Variants in USP32 observed in about 807,000 individuals in gnomAD.
USP32 encodes ubiquitin carboxyl-terminal hydrolase 32.
A neutral mutation model predicts 204.8 loss-of-function variants in USP32; 59 were observed. The observed-to-expected ratio is 0.29, with a 90% CI of 0.23 to 0.36. The LOEUF (loss-of-function observed/expected upper bound fraction) is 0.36, where lower values mean the gene tolerates loss of function less well. USP32 is among the 10% of genes least tolerant of loss of function. USP32 has a pLI of 1.00. For missense variants in USP32, 1,160 were observed against 1,946.4 expected (o/e 0.60, Z 7.60); for synonymous variants, 517 against 678.4 (o/e 0.76, Z 3.70).
At chr17:60,347,988 G>A (rs1219700305) in intron 1 of USP32, among the ~76,000 whole-genome samples, 1 of 151,946 alleles carries the variant, frequency 6.6e-6, no homozygotes. Context: ...CAGGCCTGGT[G>A]GCGGGCACCT....
intron 24 of USP32, among the ~76,000 whole-genome samples, chr17:60,207,341 C>T (rs1314739366): frequency 6.6e-6 from 1 of 152,068 alleles, no homozygotes; most frequent in Non-Finnish European, 1.5e-5. Flanking sequence ...TATCTCTTTT[C>T]ACAGGAAGAA....
intron 1 of USP32, among the ~76,000 whole-genome samples, chr17:60,361,303 A>G (rs2089201963): frequency 6.6e-6 from 1 of 152,182 alleles, no homozygotes; most frequent in African/African-American, 2.4e-5. Flanking sequence ...CCATGCTTTT[A>G]TAAGATGTAC....
At chr17:60,384,582 G>A (rs1448459406) in intron 1 of USP32, among the ~76,000 whole-genome samples, 5 of 151,886 alleles carry the variant, frequency 3.3e-5, no homozygotes, top group Admixed American at 6.6e-5. Context: ...ACCTGAGGTC[G>A]GGAGTTGGAG....
intron 13 of USP32, among the ~76,000 whole-genome samples, chr17:60,225,771 G>A (rs1286762170): frequency 6.6e-6 from 1 of 152,002 alleles, no homozygotes; most frequent in Non-Finnish European, 1.5e-5. Context: ...GGCCAACATA[G>A]TGAAACCCCA....
intron 3 of USP32, among the ~76,000 whole-genome samples, chr17:60,297,978 C>CA (rs1567837025): frequency 6.6e-6 from 1 of 152,146 alleles, no homozygotes; most frequent in Non-Finnish European, 1.5e-5. Context: ...GACCACTGAC[C>CA]ATGGACTGGT....
chr17:60,227,081 A>C (rs1393994501), intron 12 of USP32, among the ~76,000 whole-genome samples: 1 of 150,738 alleles, frequency 6.6e-6, no homozygotes, highest in Non-Finnish European at 1.5e-5. Flanking sequence ...TTCTTTCACC[A>C]AACATTGTAT....
In USP32 at chr17:60,333,982, T is replaced by C. The variant is rs763058269; in HGVS notation, c.186+11499A>G. Among the ~76,000 whole-genome samples, 37 of 152,202 alleles carry C rather than the reference T, an allele frequency of 2.4e-4. 1 individual carries two copies. Among genetic ancestry groups the C allele is most frequent in the Admixed American group, 1.9e-3 (29 of 15,274 alleles). On this transcript the variant is annotated intron_variant, in intron 2 of 33. Transcript: ENST00000300896. ...GTGGCACTTGATATGGGTCACATGGTGTTATTCAAGGTTTAGGGTACTGCA... is the reference window on the plus strand; with the variant it reads ...GTGGCACTTGATATGGGTCACATGGCGTTATTCAAGGTTTAGGGTACTGCA...
intron 2 of USP32, among the ~76,000 whole-genome samples, chr17:60,320,578 C>T (rs914641291): frequency 6.6e-6 from 1 of 152,148 alleles, no homozygotes; most frequent in African/African-American, 2.4e-5. Context: ...AAAACCCACA[C>T]AGACATGTGG....
In USP32 at chr17:60,223,592, A is replaced by C. The variant is rs200252048; in HGVS notation, c.1433-6T>G. The C allele has an allele frequency of 1.1e-5, 17 of 1,573,412 alleles. No homozygotes were observed. The highest frequency in any genetic ancestry group is 6.7e-5 in the East Asian group (3 of 44,688). ...TGTGGCAGAATACAGAAAGCCTATA[A>C]AAAAAAAAGAGGATAGAATCTCTTA... On this transcript the variant is annotated splice_polypyrimidine_tract_variant and splice_region_variant and intron_variant, in intron 13 of 33. Coordinates refer to ENST00000300896, the MANE Select transcript of USP32 (RefSeq NM_032582.4).
intron 2 of USP32, among the ~76,000 whole-genome samples, chr17:60,320,883 G>A (rs961708555): frequency 6.6e-6 from 1 of 152,172 alleles, no homozygotes; most frequent in Non-Finnish European, 1.5e-5. Flanking sequence ...GATCTTTGAA[G>A]CCATTATTTA....
At position 60,378,625 on chromosome 17, in the gene USP32, C is replaced by A. The variant is rs150225214; in HGVS notation, c.58+13257G>T. On this transcript the variant is annotated intron_variant, in intron 1 of 33. Transcript: ENST00000300896. ...TTCAGTCAAAAAAAGAAATTAAATT[C>A]TGCTATGTACTACAACATGGATAAA... Among the ~76,000 whole-genome samples, 237 of 152,218 alleles carry A rather than the reference C, an allele frequency of 1.6e-3. 2 individuals are homozygous for A. The highest frequency in any genetic ancestry group is 6.8e-3 in the Middle Eastern group (2 of 294).
intron 11 of USP32, among the ~76,000 whole-genome samples, chr17:60,247,469 C>A (rs915465022): frequency 1.3e-5 from 2 of 152,140 alleles, no homozygotes; most frequent in African/African-American, 4.8e-5. Flanking sequence ...CATGAGCCAC[C>A]TCGCCCAGCC....
intron 2 of USP32, among the ~76,000 whole-genome samples, chr17:60,325,694 A>G (rs572158862): frequency 6.6e-6 from 1 of 152,280 alleles, no homozygotes; most frequent in South Asian, 2.1e-4. Flanking sequence ...TTGGAAGTTG[A>G]GGCTGGCAGA....
chr17:60,252,197 C>T (rs902222248), intron 11 of USP32, among the ~76,000 whole-genome samples, 184 bp downstream of exon 11: 1 of 151,898 alleles, frequency 6.6e-6, no homozygotes, highest in African/African-American at 2.4e-5. Flanking sequence ...TAGAATTTGC[C>T]TTCTTAATTA....
chr17:60,300,299 T>A (rs1054340503), intron 3 of USP32, among the ~76,000 whole-genome samples: 1 of 152,168 alleles, frequency 6.6e-6, no homozygotes, highest in African/African-American at 2.4e-5. Flanking sequence ...AAGAAAAGAA[T>A]GAGGGGACAG....
chr17:60,346,726 C>T (rs1391934349), intron 1 of USP32, among the ~76,000 whole-genome samples: 4 of 152,080 alleles, frequency 2.6e-5, no homozygotes, highest in African/African-American at 4.8e-5. Context: ...ACCTTTGACC[C>T]ATGCTAGAGA....
At chr17:60,234,494 G>A (rs2085664800) in intron 12 of USP32, among the ~76,000 whole-genome samples, 1 of 151,560 alleles carries the variant, frequency 6.6e-6, no homozygotes, top group Non-Finnish European at 1.5e-5. Context: ...TCGGGAGGCC[G>A]AGGAGGGCAG....
At chr17:60,413,647 C>T (rs1452211016) in intron 1 of USP32, among the ~76,000 whole-genome samples, 2 of 151,406 alleles carry the variant, frequency 1.3e-5, no homozygotes, top group African/African-American at 2.4e-5. Flanking sequence ...GAGCAGATCA[C>T]GAGGTCAGGA....
chr17:60,284,641 TTAAA>T (rs955215571), intron 5 of USP32, among the ~76,000 whole-genome samples: 99 of 152,340 alleles, frequency 6.5e-4, no homozygotes, highest in African/African-American at 2.2e-3. Flanking sequence ...ATTTGACTGA[TTAAA>T]TAAATTTGTT....
Sources: allele counts gnomAD v4.1 joint callset (sites outside exome capture counted in the v4.1 genomes callset), GRCh38; gene constraint gnomAD v4.1.1; transcripts MANE v1.5; gene names NCBI Gene and HGNC (gene_info 2026-07-23, HGNC 2026-07-21).